SLCO1C1: variants seen among roughly 807,000 people sequenced by gnomAD.
SLCO1C1 encodes the protein solute carrier organic anion transporter family member 1C1, also known as OAT-RP-5.
Under a neutral mutation model 76.4 loss-of-function variants are expected in SLCO1C1, and 70 were observed. The ratio of observed to expected loss-of-function variants is 0.92; its 90% CI spans 0.76 to 1.12. The LOEUF is 1.12. SLCO1C1 is among the 50% of genes most tolerant of loss of function. The pLI is 0.00. For synonymous variants in SLCO1C1, 306 were observed against 286.1 expected, an observed-to-expected ratio of 1.07 and a Z score of -0.70; for missense variants, 912 against 823.8, an observed-to-expected ratio of 1.11 and a Z score of -1.31.
Position 20,743,298 on chromosome 12 carries a change from A to AT in SLCO1C1, c.1734-3dup. 1 of 1,611,658 alleles carries AT rather than the reference A, an allele frequency of 6.2e-7. No homozygotes were observed. ...ATTTCTTGTAATGGTGCTTTTGTTG[A>AT]TTTTAGGTGCATTAAGCCACAGCTT... On this transcript the variant is annotated splice_polypyrimidine_tract_variant and splice_region_variant and intron_variant, in intron 12 of 14. Coordinates refer to ENST00000266509, the MANE Select transcript of SLCO1C1 (RefSeq NM_017435.5).
rs1555122286 is a variant in SLCO1C1, at chr12:20,710,223, T to TTTTTTTTC, written c.405-1161_405-1160insTTTTTCTT. 2.9e-4 allele frequency among the ~76,000 whole-genome samples: 39 copies of TTTTTTTTC among 133,842 alleles called. 10 individuals are homozygous for TTTTTTTTC. Among genetic ancestry groups the TTTTTTTTC allele is most frequent in the Non-Finnish European group, 5.3e-4 (33 of 62,712 alleles). 87.8% of individuals were successfully genotyped at this position (133,842 alleles called of 152,430 possible). A position where few individuals can be genotyped will look rare whatever the true frequency, so the allele number is the denominator to read the frequency against. ...TTCTTTTTTTTTTTTTTTTTTTTTT[T>TTTTTTTTC]TTGAGATGGAGTCTCGCTCTGTCGC... is the stretch of plus-strand genomic sequence containing the variant. On this transcript the variant is annotated intron_variant, in intron 4 of 14. Coordinates refer to ENST00000266509, the MANE Select transcript of SLCO1C1 (RefSeq NM_017435.5).
chr12:20,748,808 A>G (rs1949164709), intron 13 of SLCO1C1, among the ~76,000 whole-genome samples: 1 of 152,162 alleles, frequency 6.6e-6, no homozygotes, highest in African/African-American at 2.4e-5. Context: ...TGGTGGCAAT[A>G]CTACACACGT....
At chr12:20,729,248 T>C (rs767556497) in intron 9 of SLCO1C1, among the ~76,000 whole-genome samples, 5 of 152,184 alleles carry the variant, frequency 3.3e-5, no homozygotes, top group Admixed American at 2.0e-4. Context: ...CCTGTGAAAT[T>C]TGAAAGGGAG....
At chr12:20,712,628 T>C (rs149095278) in intron 5 of SLCO1C1, among the ~76,000 whole-genome samples, 20 of 152,316 alleles carry the variant, frequency 1.3e-4, no homozygotes, top group Admixed American at 4.6e-4. Flanking sequence ...GAAGCCTTTC[T>C]AAAATTAATA....
chr12:20,730,056 C>A (rs2029896598), intron 9 of SLCO1C1, among the ~76,000 whole-genome samples: 1 of 152,066 alleles, frequency 6.6e-6, no homozygotes, highest in Admixed American at 6.6e-5. Flanking sequence ...TAGGTACAGA[C>A]AAGGTTACAC....
intron 3 of SLCO1C1, among the ~76,000 whole-genome samples, chr12:20,704,051 T>C (rs1249335120): frequency 1.3e-5 from 2 of 151,468 alleles, no homozygotes; most frequent in African/African-American, 4.8e-5. Flanking sequence ...GTAAGACATA[T>C]TTCTAAAACT....
rs866568312 is a variant in SLCO1C1 at position 20,739,369 on chromosome 12, A to T, written c.1549-815A>T. Among the ~76,000 whole-genome samples the T allele has an allele frequency of 3.3e-5, 5 of 152,146 alleles. No individual in the cohort carries two copies. In the South Asian group the frequency reaches 1.0e-3, roughly 32 times the overall value. Reference sequence around the variant, plus strand: ...AAAAAAGACATACATTAGAATAAGAAGATGGAGAGATGGGAGTTGTTTTTT... The same window carrying T: ...AAAAAAGACATACATTAGAATAAGATGATGGAGAGATGGGAGTTGTTTTTT... On this transcript the variant is annotated intron_variant, in intron 11 of 14. Coordinates refer to ENST00000266509, the MANE Select transcript of SLCO1C1 (RefSeq NM_017435.5).
In SLCO1C1 at chr12:20,715,271, C is replaced by A; in HGVS notation, c.662C>A (p.Ala221Glu). Reference protein sequence around the residue: ...YLDDFASEDNAAFYIGCVQTV... With the variant: ...YLDDFASEDNEAFYIGCVQTV... ...GATGATTTTGCCAGTGAAGACAATG[C>A]AGCTTTCTATATTGGTAATATTGGC... The change falls in exon 6 of 15, where the codon GCA becomes GAA. Residue 221 changes from alanine (A) to glutamate (E), a missense_variant. Transcript: ENST00000266509. The A allele has an allele frequency of 6.2e-7, 1 of 1,613,958 alleles. No homozygotes were observed. The highest frequency in any genetic ancestry group is 1.7e-4 in the Middle Eastern group (1 of 6,058).
rs575977643 is a variant in SLCO1C1 at position 20,725,223 on chromosome 12, TAAAG to T, written c.1186+1977_1186+1980del. Among the ~76,000 whole-genome samples, 1,088 of 137,684 alleles carry T rather than the reference TAAAG, an allele frequency of 7.9e-3. 18 individuals carry two copies. Among genetic ancestry groups the T allele is most frequent in the African/African-American group, 0.027 (1,008 of 37,918 alleles). 90.3% of individuals were successfully genotyped at this position (137,684 alleles called of 152,430 possible). On this transcript the variant is annotated intron_variant, in intron 9 of 14. Coordinates refer to ENST00000266509, the MANE Select transcript of SLCO1C1 (RefSeq NM_017435.5). The stretch of plus-strand genomic sequence containing the variant: ...TAATAGTATTTTAAATAATTATAGT[TAAAG>T]AAAGAAAAAATACAAATAAAAATAT...
In SLCO1C1 at chr12:20,706,185, CTT is replaced by C. The variant is rs963026047; in HGVS notation, c.404+106_404+107del. On this transcript the variant is annotated intron_variant, in intron 4 of 14. Coordinates refer to ENST00000266509, the MANE Select transcript of SLCO1C1 (RefSeq NM_017435.5). Reference sequence around the variant, plus strand: ...CAAATTTAAGCTTAACCCATGATAACTTTGTCTTACTTTTATTACATTCTCTT... The same window carrying C: ...CAAATTTAAGCTTAACCCATGATAACTGTCTTACTTTTATTACATTCTCTT... The C allele has an allele frequency of 6.0e-6, 8 of 1,326,258 alleles. No individual in the cohort carries two copies. The African/African-American group carries it at 1.1e-4, about 17-fold the overall frequency. 82.2% of individuals were successfully genotyped at this position (1,326,258 alleles called of 1,614,324 possible).
intron 2 of SLCO1C1, chr12:20,699,929 G>A: frequency 2.7e-6 from 1 of 373,124 alleles, no homozygotes; most frequent in Non-Finnish European, 4.7e-6. Flanking sequence ...CCCCCAAACA[G>A]AAAAGAGAGA....
intron 6 of SLCO1C1, among the ~76,000 whole-genome samples, chr12:20,716,430 A>C (rs1434204019): frequency 1.3e-5 from 2 of 152,314 alleles, no homozygotes; most frequent in East Asian, 3.9e-4. Context: ...TCTTCCAGTT[A>C]ACTTAATCTC....
chr12:20,730,816 G>A (rs1164885780), intron 9 of SLCO1C1, among the ~76,000 whole-genome samples: 8 of 151,998 alleles, frequency 5.3e-5, no homozygotes, highest in Admixed American at 1.3e-4. Flanking sequence ...AATATTTTGC[G>A]GGGGTCTGTC....
intron 9 of SLCO1C1, among the ~76,000 whole-genome samples, chr12:20,727,494 C>A (rs796345019): frequency 3.9e-5 from 6 of 152,146 alleles, no homozygotes; most frequent in African/African-American, 1.4e-4. Context: ...GCTGCTTACA[C>A]GTTTTTTGCT....
intron 4 of SLCO1C1, among the ~76,000 whole-genome samples, chr12:20,708,320 GTATATA>G (rs748496978): frequency 2.6e-5 from 4 of 151,750 alleles, no homozygotes; most frequent in African/African-American, 7.3e-5. Context: ...TGTGATATAT[GTATATA>G]TATATAATTT....
chr12:20,721,120 T>C (rs1476368923), intron 7 of SLCO1C1, among the ~76,000 whole-genome samples: 1 of 151,328 alleles, frequency 6.6e-6, no homozygotes, highest in Non-Finnish European at 1.5e-5. Flanking sequence ...ATTACTGAAA[T>C]GACAACAAAA....
At chr12:20,724,620 T>C (rs1166251097) in intron 9 of SLCO1C1, among the ~76,000 whole-genome samples, 1 of 148,466 alleles carries the variant, frequency 6.7e-6, no homozygotes, top group Non-Finnish European at 1.5e-5. Context: ...TTGAACTTCA[T>C]ATAAATTAAA....
At chr12:20,733,202 T>C in intron 10 of SLCO1C1, 98 bp downstream of exon 10, 1 of 1,146,816 alleles carries the variant, frequency 8.7e-7, no homozygotes, top group Non-Finnish European at 1.2e-6. Flanking sequence ...TTAAACATCA[T>C]AACTATGGTA....
intron 3 of SLCO1C1, among the ~76,000 whole-genome samples, chr12:20,704,972 TTGAG>T (rs1946704915): frequency 6.6e-6 from 1 of 151,942 alleles, no homozygotes; most frequent in African/African-American, 2.4e-5. Flanking sequence ...ATCAACACAC[TTGAG>T]TTAGTATTAC....
Sources: allele counts gnomAD v4.1 joint callset (sites outside exome capture counted in the v4.1 genomes callset), GRCh38; gene constraint gnomAD v4.1.1; transcripts MANE v1.5; gene names NCBI Gene and HGNC (gene_info 2026-07-23, HGNC 2026-07-21).